Variants in NRXN3 observed in about 807,000 individuals in gnomAD.
The protein encoded by NRXN3 is neurexin III.
In NRXN3, 32 loss-of-function variants were observed where a neutral mutation model predicts 137.6. The observed-to-expected ratio is 0.23, with a 90% confidence interval of 0.18 to 0.31. The LOEUF (loss-of-function observed/expected upper bound fraction) is 0.31. NRXN3 is among the 10% of genes least tolerant of loss of function. NRXN3 has a pLI of 1.00. For missense variants in NRXN3, 1,574 were observed against 2,062.5 expected (o/e 0.76, Z 4.59); for synonymous variants, 798 against 784.5 (o/e 1.02, Z -0.29).
rs149825256 is a variant in NRXN3, at chr14:79,279,245, G to A, written c.3263-187976G>A. 710 of 593,892 alleles carry A rather than the reference G, an allele frequency of 1.2e-3. 6 individuals carry two copies. The African/African-American group carries it at 0.013, about 11-fold the overall frequency. 36.8% of individuals were successfully genotyped at this position (593,892 alleles called of 1,614,324 possible). A position where few individuals can be genotyped will look rare whatever the true frequency, so the allele number is the denominator to read the frequency against. On this transcript the variant is annotated intron_variant, in intron 15 of 20. Transcript: ENST00000335750. The stretch of plus-strand genomic sequence containing the variant: ...CTTGAATGGGAAGGGCCGGGATTCC[G>A]GGTCGCTCTGGCCCCTCCTTCCTCC...
At chr14:79,283,133 G>A (rs993968380) in intron 15 of NRXN3, among the ~76,000 whole-genome samples, 39 of 152,266 alleles carry the variant, frequency 2.6e-4, no homozygotes, top group African/African-American at 7.9e-4. Flanking sequence ...GGATGGAGGT[G>A]GTAGGAGGCA....
Position 79,729,176 on chromosome 14 carries a change from C to T in NRXN3, c.4014+31239C>T, listed in dbSNP as rs1380940588. The stretch of plus-strand genomic sequence containing the variant: ...TTTTATAAGAAAGAATCCTTGTCTC[C>T]CACACCACCAGTGCAAAGTAGATTA... On this transcript the variant is annotated intron_variant, in intron 19 of 20. Coordinates refer to ENST00000335750, the MANE Select transcript of NRXN3 (RefSeq NM_001330195.2). Among the ~76,000 whole-genome samples, 3 of 152,224 alleles carry T rather than the reference C, an allele frequency of 2.0e-5. No individual in the cohort carries two copies. In the East Asian group the frequency reaches 5.8e-4, roughly 29 times the overall value.
chr14:79,596,250 G>A (rs750832179), intron 16 of NRXN3, among the ~76,000 whole-genome samples: 29 of 152,106 alleles, frequency 1.9e-4, no homozygotes, highest in Admixed American at 1.3e-4. Context: ...TGGCTTAGTC[G>A]GAAAGATGTG....
At chr14:78,880,005 C>T (rs967683406) in intron 10 of NRXN3, among the ~76,000 whole-genome samples, 2 of 150,466 alleles carry the variant, frequency 1.3e-5, no homozygotes, top group African/African-American at 5.0e-5. Context: ...TTTGGGAGGC[C>T]GAGGCGGGCG....
intron 4 of NRXN3, among the ~76,000 whole-genome samples, chr14:78,541,968 T>C (rs1266734084): frequency 6.6e-6 from 1 of 152,066 alleles, no homozygotes; most frequent in Admixed American, 6.6e-5. Flanking sequence ...CAGCAAATAT[T>C]GCAGAACAGC....
At chr14:78,574,360 T>C (rs1232138330) in intron 4 of NRXN3, among the ~76,000 whole-genome samples, 2 of 152,194 alleles carry the variant, frequency 1.3e-5, no homozygotes, top group Non-Finnish European at 2.9e-5. Context: ...GATTCTCTAA[T>C]AGGTTACACC....
intron 8 of NRXN3, among the ~76,000 whole-genome samples, chr14:78,750,112 C>T (rs2098633888): frequency 6.6e-6 from 1 of 152,226 alleles, no homozygotes; most frequent in Non-Finnish European, 1.5e-5. Context: ...TCCGCTAATA[C>T]CAACCATTCT....
intron 16 of NRXN3, among the ~76,000 whole-genome samples, chr14:79,583,672 C>G (rs1271772916): frequency 1.3e-5 from 2 of 152,032 alleles, no homozygotes; most frequent in African/African-American, 4.8e-5. Context: ...GTAAGCAATT[C>G]CTCTAAAATT....
intron 6 of NRXN3, among the ~76,000 whole-genome samples, chr14:78,651,960 C>T (rs2097749192): frequency 6.6e-6 from 1 of 152,136 alleles, no homozygotes; most frequent in South Asian, 2.1e-4. Context: ...GCTCTTATCC[C>T]ACAGATGGCT....
chr14:78,319,446 T>C (rs1277435079), intron 4 of NRXN3, among the ~76,000 whole-genome samples: 1 of 152,194 alleles, frequency 6.6e-6, no homozygotes, highest in Admixed American at 6.5e-5. Flanking sequence ...AAAAGGCCTG[T>C]TTCTGTAACA....
intron 15 of NRXN3, among the ~76,000 whole-genome samples, chr14:79,154,640 A>G (rs2060092786): frequency 6.6e-6 from 1 of 151,786 alleles, no homozygotes; most frequent in Admixed American, 6.6e-5. Context: ...ACCTCTCTAG[A>G]CTGCAGTTTT....
intron 15 of NRXN3, among the ~76,000 whole-genome samples, chr14:79,234,313 TATATATA>T (rs2072885510): frequency 1.9e-5 from 2 of 107,508 alleles, no homozygotes; most frequent in African/African-American, 8.1e-5. Context: ...TATATATATA[TATATATA>T]TATATATATA....
chr14:79,462,253 A>G (rs989027626), intron 15 of NRXN3, among the ~76,000 whole-genome samples: 15 of 151,912 alleles, frequency 9.9e-5, no homozygotes, highest in African/African-American at 3.6e-4. Flanking sequence ...CATGCCTGTA[A>G]TCCCAGCTAC....
intron 4 of NRXN3, among the ~76,000 whole-genome samples, chr14:78,447,693 T>G (rs2094452918): frequency 6.6e-6 from 1 of 152,238 alleles, no homozygotes; most frequent in Admixed American, 6.5e-5. Context: ...CACAGAATAG[T>G]TGCAATCTCC....
intron 4 of NRXN3, among the ~76,000 whole-genome samples, chr14:78,396,751 T>C (rs977767809): frequency 4.6e-5 from 7 of 151,710 alleles, no homozygotes; most frequent in African/African-American, 1.7e-4. Flanking sequence ...GTTTTCAAGA[T>C]TTTTTTTTGG....
intron 15 of NRXN3, among the ~76,000 whole-genome samples, chr14:79,138,963 G>C (rs371133787): frequency 1.3e-4 from 20 of 152,336 alleles, no homozygotes; most frequent in Middle Eastern, 3.4e-3. Flanking sequence ...TTCCACAAGA[G>C]AGGGCAACCT....
intron 10 of NRXN3, among the ~76,000 whole-genome samples, chr14:78,925,986 A>G (rs543905290): frequency 1.3e-5 from 2 of 152,372 alleles, no homozygotes; most frequent in East Asian, 1.9e-4. Flanking sequence ...TTCAATAAAC[A>G]TAAAAATTAT....
intron 15 of NRXN3, among the ~76,000 whole-genome samples, chr14:79,090,692 C>A (rs1224942361): frequency 6.6e-6 from 1 of 152,124 alleles, no homozygotes; most frequent in Non-Finnish European, 1.5e-5. Context: ...AGAAGAAAGT[C>A]CAACTCTCCA....
chr14:79,258,727 A>G (rs1220648379), intron 15 of NRXN3, among the ~76,000 whole-genome samples: 1 of 152,206 alleles, frequency 6.6e-6, no homozygotes, highest in Non-Finnish European at 1.5e-5. Context: ...AACTCAAGTA[A>G]CAAACACTGC....
Sources: allele counts gnomAD v4.1 joint callset (sites outside exome capture counted in the v4.1 genomes callset), GRCh38; gene constraint gnomAD v4.1.1; transcripts MANE v1.5; gene names NCBI Gene and HGNC (gene_info 2026-07-23, HGNC 2026-07-21).